SLC9A9: variants seen among roughly 807,000 people sequenced by gnomAD.
The protein encoded by SLC9A9 is solute carrier family 9 member A9, also known as sodium/hydrogen exchanger 9.
A neutral mutation model predicts 77.8 loss-of-function variants in SLC9A9; 62 were observed. That is an observed-to-expected ratio of 0.80 (90% CI 0.65 to 0.98). SLC9A9 has a LOEUF of 0.98. Ranked by LOEUF, SLC9A9 falls within the 50% of genes least tolerant of loss-of-function variation. SLC9A9 has a pLI of 0.00. For synonymous variants in SLC9A9, 320 were observed against 283.5 expected, an observed-to-expected ratio of 1.13 and a Z score of -1.29; for missense variants, 775 against 774.9, an observed-to-expected ratio of 1.00 and a Z score of 0.00.
intron 12 of SLC9A9, among the ~76,000 whole-genome samples, chr3:143,431,651 T>G (rs2034519185): frequency 6.6e-6 from 1 of 151,982 alleles, no homozygotes; most frequent in African/African-American, 2.4e-5. Flanking sequence ...CCGGCTAATT[T>G]TTTGTATTTT....
At chr3:143,534,749 G>A (rs2036565764) in intron 9 of SLC9A9, among the ~76,000 whole-genome samples, 1 of 152,142 alleles carries the variant, frequency 6.6e-6, no homozygotes, top group Non-Finnish European at 1.5e-5. Flanking sequence ...GGAAACTCTG[G>A]TCAACAAGTT....
Position 143,693,213 on chromosome 3 carries a change from G to C in SLC9A9, c.628C>G (p.Leu210Val). 2 of 1,613,084 alleles carry C rather than the reference G, an allele frequency of 1.2e-6. No individual in the cohort carries two copies. Among genetic ancestry groups the C allele is most frequent in the Non-Finnish European group, 1.7e-6 (2 of 1,179,384 alleles). ...TTACCTGGATCTGTAGCAGACATCAGTGAACCAAAAAATAAACAGTCAGTG... is the reference window on the plus strand; with the variant it reads ...TTACCTGGATCTGTAGCAGACATCACTGAACCAAAAAATAAACAGTCAGTG... ...HFTDCLFFGS[L>V]MSATDPVTVL... The change falls in exon 5 of 16, where the codon CTG (leucine) becomes GTG (valine). Residue 210 changes from leucine to valine, a missense_variant. Coordinates refer to ENST00000316549, the MANE Select transcript of SLC9A9 (RefSeq NM_173653.4).
intron 2 of SLC9A9, among the ~76,000 whole-genome samples, chr3:143,817,661 T>TGATA (rs2009057018): frequency 6.6e-6 from 1 of 152,212 alleles, no homozygotes; most frequent in Non-Finnish European, 1.5e-5. Context: ...TCTTCCATAT[T>TGATA]GATAGCCAAT....
intron 11 of SLC9A9, among the ~76,000 whole-genome samples, chr3:143,470,324 C>CA (rs1260010902): frequency 2.0e-5 from 3 of 151,670 alleles, no homozygotes; most frequent in African/African-American, 4.8e-5. Flanking sequence ...ACTAAAAATA[C>CA]AAAAAATTAG....
chr3:143,530,417 C>T (rs1462097321), intron 9 of SLC9A9, among the ~76,000 whole-genome samples: 1 of 152,098 alleles, frequency 6.6e-6, no homozygotes, highest in Non-Finnish European at 1.5e-5. Flanking sequence ...TCCTGCTTGC[C>T]ACAGTGTAAG....
At chr3:143,546,066 C>T (rs905373273) in intron 9 of SLC9A9, among the ~76,000 whole-genome samples, 19 of 152,136 alleles carry the variant, frequency 1.2e-4, no homozygotes, top group African/African-American at 4.6e-4. Flanking sequence ...TATCTGAGGC[C>T]CTACCATGAG....
chr3:143,802,967 A>T (rs2008607593), intron 2 of SLC9A9, among the ~76,000 whole-genome samples: 1 of 152,098 alleles, frequency 6.6e-6, no homozygotes. Flanking sequence ...CTAGACAGGA[A>T]ATTCGCCAGG....
intron 11 of SLC9A9, among the ~76,000 whole-genome samples, chr3:143,473,133 G>A (rs1415699488): frequency 2.6e-5 from 4 of 152,040 alleles, no homozygotes; most frequent in African/African-American, 9.7e-5. Context: ...TGAGAGCCCA[G>A]CTCCTCTCAT....
chr3:143,581,028 C>G (rs1443548754), intron 6 of SLC9A9, among the ~76,000 whole-genome samples: 2 of 152,144 alleles, frequency 1.3e-5, no homozygotes, highest in Non-Finnish European at 2.9e-5. Context: ...GCAGGGAAGC[C>G]TAAAATGTAA....
At chr3:143,686,440 G>T (rs1334092928) in intron 5 of SLC9A9, among the ~76,000 whole-genome samples, 1 of 152,118 alleles carries the variant, frequency 6.6e-6, no homozygotes, top group East Asian at 1.9e-4. Context: ...GTGATTAGGG[G>T]TGTCTGGGCA....
chr3:143,538,701 C>T (rs1255551096), intron 9 of SLC9A9, among the ~76,000 whole-genome samples: 1 of 152,090 alleles, frequency 6.6e-6, no homozygotes, highest in African/African-American at 2.4e-5. Context: ...TATCCCGGCC[C>T]TACGTTATAG....
At chr3:143,823,773 T>A (rs2009230333) in intron 2 of SLC9A9, among the ~76,000 whole-genome samples, 1 of 151,720 alleles carries the variant, frequency 6.6e-6, no homozygotes, top group Non-Finnish European at 1.5e-5. Flanking sequence ...AAAAATAAAA[T>A]TTTAATAAAA....
At chr3:143,503,528 C>A in intron 9 of SLC9A9, 3 of 392,830 alleles carry the variant, frequency 7.6e-6, no homozygotes, top group South Asian at 5.9e-5. Context: ...GCACAAGTCT[C>A]TCCAGATGGC....
At chr3:143,370,706 T>C (rs2033041180) in intron 13 of SLC9A9, among the ~76,000 whole-genome samples, 1 of 148,160 alleles carries the variant, frequency 6.7e-6, no homozygotes. Flanking sequence ...ACGTGTAGAT[T>C]TGTGATTCCA....
intron 12 of SLC9A9, among the ~76,000 whole-genome samples, chr3:143,441,505 C>A (rs1263945130): frequency 6.6e-6 from 1 of 152,156 alleles, no homozygotes; most frequent in Non-Finnish European, 1.5e-5. Context: ...TTATCAAGAA[C>A]CCAAGAGTTA....
At chr3:143,281,412 T>C (rs1032442608) in intron 14 of SLC9A9, among the ~76,000 whole-genome samples, 1 of 152,190 alleles carries the variant, frequency 6.6e-6, no homozygotes, top group Admixed American at 6.5e-5. Flanking sequence ...AATGATTCCA[T>C]GACCCATTAT....
At chr3:143,563,334 C>A (rs1246312945) in intron 8 of SLC9A9, among the ~76,000 whole-genome samples, 1 of 152,102 alleles carries the variant, frequency 6.6e-6, no homozygotes, top group Non-Finnish European at 1.5e-5. Context: ...ACTTCTGGAC[C>A]CCCTCAGAAA....
In SLC9A9 at chr3:143,326,527, C is replaced by T. The variant is rs558318146; in HGVS notation, c.1604+36957G>A. Among the ~76,000 whole-genome samples, 7 of 152,236 alleles carry T rather than the reference C, an allele frequency of 4.6e-5. No homozygotes were observed. The East Asian group carries it at 5.8e-4, about 13-fold the overall frequency. On this transcript the variant is annotated intron_variant, in intron 14 of 15. Coordinates refer to ENST00000316549, the MANE Select transcript of SLC9A9 (RefSeq NM_173653.4). ...CAATGCACTCAGCTCCCCTCTACAACGTGCCCCCTCCCCCCAGGCCTTTGC... is the reference window on the plus strand; with the variant it reads ...CAATGCACTCAGCTCCCCTCTACAATGTGCCCCCTCCCCCCAGGCCTTTGC...
At chr3:143,506,795 A>G (rs2036025772) in intron 9 of SLC9A9, among the ~76,000 whole-genome samples, 1 of 152,074 alleles carries the variant, frequency 6.6e-6, no homozygotes, top group Non-Finnish European at 1.5e-5. Flanking sequence ...GAAAAAACAA[A>G]AGTTGTAGAA....
Sources: allele counts gnomAD v4.1 joint callset (sites outside exome capture counted in the v4.1 genomes callset), GRCh38; gene constraint gnomAD v4.1.1; transcripts MANE v1.5; gene names NCBI Gene and HGNC (gene_info 2026-07-23, HGNC 2026-07-21).